The following ASPRV1 variants were observed in gnomAD, a reference collection of about 807,000 sequenced individuals.
The protein encoded by ASPRV1 is retroviral-like aspartic protease 1.
In ASPRV1, 7 loss-of-function variants were observed where a neutral mutation model predicts 11.0. That is an observed-to-expected ratio of 0.64 (90% confidence interval 0.36 to 1.20). The LOEUF (loss-of-function observed/expected upper bound fraction) is 1.20, where lower values mean the gene tolerates loss of function less well. Ranked by LOEUF, ASPRV1 falls within the 50% of genes most tolerant of loss-of-function variation. The pLI, the probability that ASPRV1 is intolerant of heterozygous loss-of-function variation, is 0.02. For synonymous variants in ASPRV1, 136 were observed against 138.4 expected (o/e 0.98, Z 0.12); for missense variants, 299 against 320.0 (o/e 0.93, Z 0.50).
At chr2:69,997,872 A>G in the ASPRV1 span, 1 of 152,214 alleles carries the variant, frequency 6.6e-6, no homozygotes, top group Non-Finnish European at 1.5e-5. Flanking sequence ...ATCGTTATTA[A>G]TAACAAGAGA....
At chr2:70,001,802 G>A in the ASPRV1 span, among the ~76,000 whole-genome samples, 1 of 152,070 alleles carries the variant, frequency 6.6e-6, no homozygotes, top group East Asian at 1.9e-4. Context: ...TGTGCACAGA[G>A]TCAGAATTAT....
At chr2:70,074,132 T>TA in the ASPRV1 span, among the ~76,000 whole-genome samples, 2 of 20,252 alleles carry the variant, frequency 9.9e-5, no homozygotes, top group African/African-American at 6.9e-4. Context: ...AAACTTCATC[T>TA]CAAAAAAAAA....
chr2:70,057,199 C>G, the ASPRV1 span, among the ~76,000 whole-genome samples: 1 of 151,494 alleles, frequency 6.6e-6, no homozygotes, highest in Non-Finnish European at 1.5e-5. Context: ...TCCACGTGTT[C>G]TAGACCAGCC....
chr2:69,988,200 A>G, the ASPRV1 span, among the ~76,000 whole-genome samples: 1 of 152,262 alleles, frequency 6.6e-6, no homozygotes, highest in Middle Eastern at 3.2e-3. Context: ...GGATTCAAAC[A>G]GATATTTGCG....
At chr2:70,021,709 CTTTT>C in the ASPRV1 span, among the ~76,000 whole-genome samples, 4 of 134,758 alleles carry the variant, frequency 3.0e-5, no homozygotes, top group Admixed American at 3.0e-4. Flanking sequence ...TAAGAGAATA[CTTTT>C]TTTTTTTTGA....
the ASPRV1 span, among the ~76,000 whole-genome samples, chr2:70,061,226 T>C: frequency 6.6e-6 from 1 of 151,768 alleles, no homozygotes; most frequent in East Asian, 1.9e-4. Flanking sequence ...AGAAACCCCG[T>C]CTCCATGAAA....
At chr2:69,963,518 T>A, upstream of ASPRV1, 1 of 446,356 alleles carries the variant, frequency 2.2e-6, no homozygotes, top group Non-Finnish European at 4.6e-6. Context: ...TGGAAATGAG[T>A]GAGGAGGTTA....
chr2:70,061,663 T>C, the ASPRV1 span, among the ~76,000 whole-genome samples: 1 of 151,942 alleles, frequency 6.6e-6, no homozygotes, highest in Non-Finnish European at 1.5e-5. Context: ...TCTCTAAATA[T>C]GGTCTGGAGG....
the ASPRV1 span, chr2:70,012,141 T>A: frequency 6.7e-6 from 1 of 150,196 alleles, no homozygotes; most frequent in African/African-American, 2.5e-5. Flanking sequence ...TCCCGGGGGA[T>A]CCAAGAGATC....
chr2:70,064,087 C>T, the ASPRV1 span: 2 of 152,230 alleles, frequency 1.3e-5, no homozygotes, highest in East Asian at 1.9e-4. Flanking sequence ...AGGACACATG[C>T]TCCCTTCATG....
the ASPRV1 span, among the ~76,000 whole-genome samples, chr2:69,945,343 C>A: frequency 6.6e-6 from 1 of 152,324 alleles, no homozygotes; most frequent in South Asian, 2.1e-4. Context: ...AAGTAAAGGA[C>A]ATTCAGCTTC....
the ASPRV1 span, among the ~76,000 whole-genome samples, chr2:70,012,816 A>G: frequency 6.6e-6 from 1 of 152,226 alleles, no homozygotes. Context: ...TTGCTTTTTC[A>G]TAGAACATCA....
the ASPRV1 span, among the ~76,000 whole-genome samples, chr2:69,944,180 C>A: frequency 6.6e-6 from 1 of 152,290 alleles, no homozygotes; most frequent in African/African-American, 2.4e-5. Flanking sequence ...CATCAGGATC[C>A]CTTGTTTACT....
At chr2:70,043,329 A>G in the ASPRV1 span, among the ~76,000 whole-genome samples, 1 of 152,130 alleles carries the variant, frequency 6.6e-6, no homozygotes, top group Non-Finnish European at 1.5e-5. Flanking sequence ...AAGGCAGGAA[A>G]ATCACTTGAA....
the ASPRV1 span, among the ~76,000 whole-genome samples, chr2:70,078,479 C>G: frequency 8.5e-5 from 13 of 152,178 alleles, no homozygotes; most frequent in African/African-American, 3.1e-4. Context: ...TTATTTTAAA[C>G]AAGGCAGTTA....
the ASPRV1 span, chr2:69,997,841 G>A: frequency 5.9e-5 from 9 of 152,340 alleles, no homozygotes; most frequent in Admixed American, 2.6e-4. Context: ...TAAGAACCAC[G>A]GTTACGGCCG....
At chr2:69,953,671 G>A in the ASPRV1 span, among the ~76,000 whole-genome samples, 1 of 152,096 alleles carries the variant, frequency 6.6e-6, no homozygotes, top group African/African-American at 2.4e-5. Flanking sequence ...TGGCTGAATG[G>A]GGACTCAGAG....
At chr2:70,037,148 A>T in the ASPRV1 span, among the ~76,000 whole-genome samples, 2 of 152,328 alleles carry the variant, frequency 1.3e-5, no homozygotes, top group East Asian at 1.9e-4. Flanking sequence ...ATTCAACTCC[A>T]GGAAACAAAT....
the ASPRV1 span, among the ~76,000 whole-genome samples, chr2:70,029,638 AAAAAC>A: frequency 3.3e-5 from 5 of 152,154 alleles, no homozygotes; most frequent in Admixed American, 3.3e-4. Flanking sequence ...ACTCCGTCTC[AAAAAC>A]AAAACAAAAC....
Sources: allele counts gnomAD v4.1 joint callset (sites outside exome capture counted in the v4.1 genomes callset), GRCh38; gene constraint gnomAD v4.1.1; transcripts MANE v1.5; gene names NCBI Gene and HGNC (gene_info 2026-07-23, HGNC 2026-07-21).